Variants in TCERG1L observed in about 807,000 individuals in gnomAD.
TCERG1L encodes the protein transcription elongation regulator 1-like protein.
TCERG1L carries 37 observed loss-of-function variants against 56.3 expected under a neutral mutation model. The ratio of observed to expected loss-of-function variants is 0.66; its 90% CI spans 0.51 to 0.87. TCERG1L has a LOEUF of 0.87. Among genes scored for constraint, TCERG1L ranks in the 40% least tolerant of loss-of-function variants. The pLI, the probability that TCERG1L is intolerant of heterozygous loss-of-function variation, is 0.00. For missense variants in TCERG1L, 799 were observed against 774.2 expected, an observed-to-expected ratio of 1.03 and a Z score of -0.38; for synonymous variants, 324 against 326.3, an observed-to-expected ratio of 0.99 and a Z score of 0.08.
chr10:131,174,845 C>A (rs979700257), intron 4 of TCERG1L, among the ~76,000 whole-genome samples: 1 of 152,130 alleles, frequency 6.6e-6, no homozygotes, highest in Non-Finnish European at 1.5e-5. Flanking sequence ...CAGGACTCAG[C>A]CCGATCATGA....
chr10:131,093,903 T>C (rs545838152), intron 11 of TCERG1L, among the ~76,000 whole-genome samples: 46 of 152,252 alleles, frequency 3.0e-4, no homozygotes, highest in African/African-American at 1.0e-3. Flanking sequence ...CACATTCGAA[T>C]GAGGGAGACA....
chr10:131,192,156 T>C (rs916977764), intron 4 of TCERG1L, among the ~76,000 whole-genome samples: 1 of 143,498 alleles, frequency 7.0e-6, no homozygotes, highest in Non-Finnish European at 1.5e-5. Flanking sequence ...ATCCAGAATC[T>C]ATGAGGAACT....
intron 9 of TCERG1L, 100 bp downstream of exon 9, chr10:131,116,699 G>T: frequency 1.4e-6 from 2 of 1,452,954 alleles, no homozygotes; most frequent in Non-Finnish European, 1.9e-6. Context: ...GCCTGATCAT[G>T]AACTCAGTGA....
chr10:131,282,738 CCAGA>C (rs1408387204), intron 3 of TCERG1L, among the ~76,000 whole-genome samples: 1 of 152,168 alleles, frequency 6.6e-6, no homozygotes, highest in African/African-American at 2.4e-5. Flanking sequence ...CTCTGTTATA[CCAGA>C]CACTTTGTCA....
intron 6 of TCERG1L, 39 bp downstream of exon 6, chr10:131,163,083 C>T (rs368565982): frequency 2.8e-5 from 41 of 1,458,654 alleles, no homozygotes; most frequent in African/African-American, 1.3e-4. Flanking sequence ...GACCAGACAA[C>T]GCCATTGCTA....
chr10:131,221,646 G>T (rs1845733037), intron 4 of TCERG1L, among the ~76,000 whole-genome samples: 1 of 152,186 alleles, frequency 6.6e-6, no homozygotes, highest in South Asian at 2.1e-4. Flanking sequence ...ATTGAACACG[G>T]ATCCCGGCTC....
chr10:131,224,149 C>T (rs946311790), intron 4 of TCERG1L, among the ~76,000 whole-genome samples: 2 of 152,120 alleles, frequency 1.3e-5, no homozygotes. Context: ...TTCCAGTTAT[C>T]CCCCTTCTTC....
At chr10:131,185,360 G>A (rs2918093) in intron 4 of TCERG1L, among the ~76,000 whole-genome samples, 107,568 of 152,040 alleles carry the variant, frequency 0.71, 40,559 homozygotes, top group Non-Finnish European at 0.84. Context: ...AAATGCATGA[G>A]CAACAAAAGA....
At chr10:131,176,927 C>CAGAGACACATGAACACACACCA (rs201116496) in intron 4 of TCERG1L, among the ~76,000 whole-genome samples, 2 of 29,646 alleles carry the variant, frequency 6.7e-5, no homozygotes, top group African/African-American at 2.3e-4. Context: ...TACATGCACA[C>CAGAGACACATGAACACACACCA]AGACACGTGA....
intron 4 of TCERG1L, among the ~76,000 whole-genome samples, chr10:131,217,957 C>T (rs898710748): frequency 6.6e-6 from 1 of 152,118 alleles, no homozygotes; most frequent in Non-Finnish European, 1.5e-5. Flanking sequence ...ATCTCCTGAC[C>T]TCGTGATCTG....
chr10:131,302,846 C>G (rs180710265), intron 3 of TCERG1L, among the ~76,000 whole-genome samples: 275 of 151,928 alleles, frequency 1.8e-3, no homozygotes, highest in Non-Finnish European at 3.4e-3. Context: ...TCTCATTGTT[C>G]AATGACCACT....
chr10:131,285,928 G>A (rs1846535545), intron 3 of TCERG1L, among the ~76,000 whole-genome samples: 1 of 152,162 alleles, frequency 6.6e-6, no homozygotes, highest in African/African-American at 2.4e-5. Flanking sequence ...TAAGCATATT[G>A]AGAACAGGAT....
rs567540535 is a variant in TCERG1L, at chr10:131,223,018, T to C, written c.856+37241A>G. On this transcript the variant is annotated intron_variant, in intron 4 of 11. Transcript: ENST00000368642. ...GTGAGTTCCATCCCTGATGGTGACT[T>C]TTCCCTTCCCTGGGGTTCACGAGAT... 2.6e-5 allele frequency among the ~76,000 whole-genome samples: 4 copies of C among 152,274 alleles called. No individual in the cohort carries two copies. The East Asian group carries it at 7.7e-4, about 29-fold the overall frequency.
At chr10:131,215,179 T>C (rs893509) in intron 4 of TCERG1L, among the ~76,000 whole-genome samples, 81,527 of 152,070 alleles carry the variant, frequency 0.54, 23,054 homozygotes, top group African/African-American at 0.73. Context: ...GATTTCCCTT[T>C]ATTTGAAAGC....
intron 3 of TCERG1L, among the ~76,000 whole-genome samples, chr10:131,266,456 G>A (rs984264967): frequency 1.2e-4 from 18 of 152,206 alleles, no homozygotes; most frequent in African/African-American, 4.1e-4. Context: ...CGTTGTCAAT[G>A]AGTAAAAATG....
At chr10:131,213,882 G>A (rs1845642154) in intron 4 of TCERG1L, among the ~76,000 whole-genome samples, 1 of 152,154 alleles carries the variant, frequency 6.6e-6, no homozygotes, top group South Asian at 2.1e-4. Flanking sequence ...GGCCCAGCAG[G>A]AAACCCTGTG....
intron 4 of TCERG1L, among the ~76,000 whole-genome samples, chr10:131,196,813 G>C (rs113214793): frequency 6.6e-6 from 1 of 152,332 alleles, no homozygotes; most frequent in Non-Finnish European, 1.5e-5. Flanking sequence ...GTCATCATGC[G>C]CTAGCTGCCA....
rs763410402 is a variant in TCERG1L, at chr10:131,103,727, C to T, written c.1485+538G>A. Among the ~76,000 whole-genome samples the T allele has an allele frequency of 1.3e-5, 2 of 152,072 alleles. No individual in the cohort carries two copies. The highest frequency in any genetic ancestry group is 2.1e-4 in the South Asian group (1 of 4,812). On this transcript the variant is annotated intron_variant, in intron 10 of 11. Transcript: ENST00000368642. This position sits in a 1 kb window ranked among gnomAD's most constrained non-coding sequence, Gnocchi z 4.3. ...AATAAAATAAAATAAAAGGTTTTGA[C>T]GGCCTTGTGTGCAAGACTGTGGTTC...
intron 4 of TCERG1L, among the ~76,000 whole-genome samples, chr10:131,235,087 C>T (rs1845899550): frequency 6.6e-6 from 1 of 152,150 alleles, no homozygotes; most frequent in Admixed American, 6.5e-5. Context: ...ACCGCAGGGC[C>T]CAGGGTACCA....
Sources: gnomAD v4.1 joint callset for allele counts (sites outside exome capture counted in the v4.1 genomes callset) on GRCh38, gnomAD v4.1.1 for gene constraint, Gnocchi (gnomAD v3.1) non-coding constraint, MANE v1.5 for transcripts, NCBI Gene and HGNC (gene_info 2026-07-23, HGNC 2026-07-21) for gene names.